BMP6: variants seen among roughly 807,000 people sequenced by gnomAD.
BMP6 encodes VG-1-R.
A neutral mutation model predicts 54.1 loss-of-function variants in BMP6; 17 were observed. The observed-to-expected ratio is 0.31, with a 90% CI of 0.22 to 0.47. BMP6 has a LOEUF of 0.47. Ranked by LOEUF, BMP6 falls within the 20% of genes least tolerant of loss-of-function variation. The pLI is 1.00. For missense variants in BMP6, 720 were observed against 690.4 expected, an observed-to-expected ratio of 1.04 and a Z score of -0.48; for synonymous variants, 328 against 291.2, an observed-to-expected ratio of 1.13 and a Z score of -1.28.
chr6:7,731,743 A>C (rs1468352101), intron 1 of BMP6, among the ~76,000 whole-genome samples: 2 of 152,272 alleles, frequency 1.3e-5, no homozygotes, highest in African/African-American at 4.8e-5. Flanking sequence ...GGAGGTTCAC[A>C]GTATTTGAGG....
intron 4 of BMP6, among the ~76,000 whole-genome samples, chr6:7,877,812 C>A (rs1759645329): frequency 6.6e-6 from 1 of 152,182 alleles, no homozygotes; most frequent in Admixed American, 6.5e-5. Flanking sequence ...CCACTGACAT[C>A]CCACATTAGA....
intron 4 of BMP6, among the ~76,000 whole-genome samples, chr6:7,866,681 T>C (rs772456128): frequency 6.6e-5 from 10 of 152,342 alleles, no homozygotes; most frequent in Admixed American, 2.6e-4. Flanking sequence ...TTTGTTTTGA[T>C]AGATGAGTTT....
rs117120390 is a variant in BMP6 at position 7,819,536 on chromosome 6, A to G, written c.665-25604A>G. 3.9e-4 allele frequency among the ~76,000 whole-genome samples: 59 copies of G among 152,250 alleles called. 3 individuals carry two copies. In the East Asian group the frequency reaches 0.011, roughly 28 times the overall value. Reference sequence around the variant, plus strand: ...AGAAGGAGAAGTAAAAAAGGGATGTAAGGGGAGAGAAAGGAAGAAAGGGAA... The same window carrying G: ...AGAAGGAGAAGTAAAAAAGGGATGTGAGGGGAGAGAAAGGAAGAAAGGGAA... On this transcript the variant is annotated intron_variant, in intron 1 of 6. Coordinates refer to ENST00000283147, the MANE Select transcript of BMP6 (RefSeq NM_001718.6).
chr6:7,867,273 A>T (rs1759439648), intron 4 of BMP6, among the ~76,000 whole-genome samples: 1 of 151,956 alleles, frequency 6.6e-6, no homozygotes, highest in South Asian at 2.1e-4. Flanking sequence ...ATTCAGGGAT[A>T]CTCCTGACCT....
chr6:7,860,060 T>C (rs990921414), intron 2 of BMP6, among the ~76,000 whole-genome samples: 2 of 152,228 alleles, frequency 1.3e-5, no homozygotes, highest in African/African-American at 2.4e-5. Flanking sequence ...CAGTATGTTA[T>C]TATGGAAAGC....
chr6:7,789,014 G>A (rs939516983), intron 1 of BMP6, among the ~76,000 whole-genome samples: 1 of 152,046 alleles, frequency 6.6e-6, no homozygotes, highest in Non-Finnish European at 1.5e-5. Context: ...ACAACTAATT[G>A]TATGTGTTTA....
At chr6:7,767,039 T>C (rs1387159748) in intron 1 of BMP6, among the ~76,000 whole-genome samples, 1 of 151,002 alleles carries the variant, frequency 6.6e-6, no homozygotes, top group East Asian at 1.9e-4. Flanking sequence ...CAGGCTGGGG[T>C]GCAGTGGCGC....
intron 1 of BMP6, among the ~76,000 whole-genome samples, chr6:7,835,057 G>A (rs1758851371): frequency 2.0e-5 from 3 of 152,288 alleles, no homozygotes; most frequent in Non-Finnish European, 2.9e-5. Flanking sequence ...CAAATGCAGT[G>A]TACCAGAAGA....
At chr6:7,875,035 CTGG>C (rs1385050755) in intron 4 of BMP6, among the ~76,000 whole-genome samples, 1 of 152,126 alleles carries the variant, frequency 6.6e-6, no homozygotes, top group African/African-American at 2.4e-5. Flanking sequence ...ACCAGGAAAG[CTGG>C]TGGTGTAATT....
chr6:7,770,554 G>T (rs1229290229), intron 1 of BMP6, among the ~76,000 whole-genome samples: 1 of 152,206 alleles, frequency 6.6e-6, no homozygotes, highest in Non-Finnish European at 1.5e-5. Context: ...ATTAACAGAT[G>T]TAAATATGTG....
intron 1 of BMP6, among the ~76,000 whole-genome samples, chr6:7,728,749 G>A (rs1379911993): frequency 1.3e-5 from 2 of 152,206 alleles, no homozygotes; most frequent in Non-Finnish European, 1.5e-5. Context: ...CTTCCCATGT[G>A]AGACGGTGGT....
intron 2 of BMP6, among the ~76,000 whole-genome samples, chr6:7,856,343 CCTT>C (rs1248235331): frequency 6.6e-6 from 1 of 151,924 alleles, no homozygotes; most frequent in African/African-American, 2.4e-5. Context: ...GAGCTTGACT[CCTT>C]AATTTTCTAA....
intron 1 of BMP6, among the ~76,000 whole-genome samples, chr6:7,748,463 T>C (rs270412): frequency 0.79 from 120,786 of 152,190 alleles, 48,217 homozygotes; most frequent in African/African-American, 0.86. Flanking sequence ...GTTTAGGCAG[T>C]GCTTACTGGG....
chr6:7,857,329 C>T (rs776918640), intron 2 of BMP6, among the ~76,000 whole-genome samples: 12 of 152,190 alleles, frequency 7.9e-5, no homozygotes, highest in East Asian at 1.9e-4. Context: ...AGGAATATCA[C>T]GCTCTGAGGT....
intron 1 of BMP6, among the ~76,000 whole-genome samples, chr6:7,775,483 C>T (rs2113160987): frequency 6.6e-6 from 1 of 152,338 alleles, no homozygotes; most frequent in East Asian, 1.9e-4. Context: ...CTCAAAGCAT[C>T]ATGCAGATTT....
intron 1 of BMP6, among the ~76,000 whole-genome samples, chr6:7,771,563 G>T (rs760692174): frequency 2.0e-5 from 3 of 152,180 alleles, no homozygotes; most frequent in African/African-American, 4.8e-5. Context: ...TCCAGTAAGT[G>T]CGTGGTGGAG....
chr6:7,747,696 G>C (rs1037788468), intron 1 of BMP6, among the ~76,000 whole-genome samples: 3 of 152,314 alleles, frequency 2.0e-5, no homozygotes. Context: ...GCCCAGACTG[G>C]AGTGCAGCGG....
intron 1 of BMP6, among the ~76,000 whole-genome samples, chr6:7,769,657 C>T (rs1010789286): frequency 6.6e-6 from 1 of 152,174 alleles, no homozygotes; most frequent in African/African-American, 2.4e-5. Flanking sequence ...TTTGGAATTT[C>T]AGGGGGAAGA....
chr6:7,845,068 A>T lies in BMP6; in HGVS notation c.665-72A>T, dbSNP rs539387066. On this transcript the variant is annotated intron_variant, in intron 1 of 6. Transcript: ENST00000283147. ...ATCCACCTATGAAGTCAAACGGGGA[A>T]ACTGGTGAGGTAAGCCCGTGGCACT... 3.2e-5 allele frequency: 44 copies of T among 1,372,746 alleles called. No homozygotes were observed. In the South Asian group the frequency reaches 5.9e-4, roughly 19 times the overall value. 85.0% of individuals were successfully genotyped at this position (1,372,746 alleles called of 1,614,324 possible). A position where few individuals can be genotyped will look rare whatever the true frequency, so the allele number is the denominator to read the frequency against.
Sources: allele counts gnomAD v4.1 joint callset (sites outside exome capture counted in the v4.1 genomes callset), GRCh38; gene constraint gnomAD v4.1.1; transcripts MANE v1.5; gene names NCBI Gene and HGNC (gene_info 2026-07-23, HGNC 2026-07-21).